SGF29: variants seen among roughly 807,000 people sequenced by gnomAD.
SGF29 encodes the protein SAGA complex associated factor 29.
A neutral mutation model predicts 38.1 loss-of-function variants in SGF29; 15 were observed. The ratio of observed to expected loss-of-function variants is 0.39; its 90% CI spans 0.26 to 0.61. The LOEUF (loss-of-function observed/expected upper bound fraction) is 0.61. SGF29 is among the 20% of genes least tolerant of loss of function. SGF29 has a pLI of 0.49. For missense variants in SGF29, 184 were observed against 394.6 expected (o/e 0.47, Z 4.52); for synonymous variants, 151 against 160.8 (o/e 0.94, Z 0.46).
At chr16:28,578,668 G>A (rs1437732852) in intron 1 of SGF29, among the ~76,000 whole-genome samples, 2 of 135,142 alleles carry the variant, frequency 1.5e-5, no homozygotes, top group African/African-American at 2.8e-5. Context: ...AGGAGGATGT[G>A]TTAGTTGAAC....
intron 1 of SGF29, among the ~76,000 whole-genome samples, chr16:28,573,784 C>A (rs1464513342): frequency 6.6e-6 from 1 of 152,014 alleles, no homozygotes; most frequent in Non-Finnish European, 1.5e-5. Flanking sequence ...GAAGTAGGAA[C>A]CTCAGATATC....
At chr16:28,559,596 G>A (rs775313708) in intron 1 of SGF29, among the ~76,000 whole-genome samples, 10 of 151,952 alleles carry the variant, frequency 6.6e-5, no homozygotes, top group African/African-American at 1.2e-4. Flanking sequence ...GGCTGGTCTC[G>A]AATTCCTGGC....
chr16:28,561,869 C>G (rs556868060), intron 1 of SGF29, among the ~76,000 whole-genome samples: 42 of 152,332 alleles, frequency 2.8e-4, no homozygotes, highest in African/African-American at 9.4e-4. Flanking sequence ...TTCCCACTTG[C>G]TTTGCACCAG....
At position 28,590,369 on chromosome 16, in the gene SGF29, C is replaced by T. The variant is rs1324158167; in HGVS notation, c.493C>T (p.Arg165Trp). The T allele has an allele frequency of 3.1e-6, 5 of 1,613,736 alleles. No homozygotes were observed. The highest frequency in any genetic ancestry group is 4.2e-6 in the Non-Finnish European group (5 of 1,179,772). The change falls in exon 7 of 10, where the codon CGG becomes TGG. Residue 165 changes from arginine (R) to tryptophan (W), a missense_variant. This residue lies in a region of SGF29 where 107 missense variants were observed against 276.9 expected (regional missense o/e 0.39). Coordinates refer to ENST00000317058, the MANE Select transcript of SGF29 (RefSeq NM_138414.3). The surrounding 1 kb of genome is among the most constrained non-coding windows in gnomAD (Gnocchi z 8.2). ...CAGACCTGGAGACAAGGTGGCTGCCCGGGTGAAGGCCGTGGATGGGGACGA... is the reference window on the plus strand; with the variant it reads ...CAGACCTGGAGACAAGGTGGCTGCCTGGGTGAAGGCCGTGGATGGGGACGA... The part of the protein sequence containing the change: ...VARPGDKVAA[R>W]VKAVDGDEQW...
chr16:28,558,813 C>G (rs1567283973), intron 1 of SGF29, among the ~76,000 whole-genome samples: 1 of 151,978 alleles, frequency 6.6e-6, no homozygotes, highest in African/African-American at 2.4e-5. Flanking sequence ...GGTCACAGTA[C>G]AATTCTATTT....
Position 28,590,952 on chromosome 16 carries a change from G to A in SGF29, c.765+17G>A. 2 of 1,596,308 alleles carry A rather than the reference G, an allele frequency of 1.3e-6. No homozygotes were observed. Among genetic ancestry groups the A allele is most frequent in the East Asian group, 2.3e-5 (1 of 44,270 alleles). ...CCACAGCGGGTAAAGCAGCCTCCAGGGGAGAGGCCATGGGTGATGTCAGGA... is the reference window on the plus strand; with the variant it reads ...CCACAGCGGGTAAAGCAGCCTCCAGAGGAGAGGCCATGGGTGATGTCAGGA... On this transcript the variant is annotated intron_variant, in intron 9 of 9. Transcript: ENST00000317058. This position sits in a 1 kb window ranked among gnomAD's most constrained non-coding sequence, Gnocchi z 8.2.
Position 28,576,070 on chromosome 16 carries a change from G to A in SGF29, c.-15-4985G>A, listed in dbSNP as rs552883666. On this transcript the variant is annotated intron_variant, in intron 1 of 9. Transcript: ENST00000317058. ...ACATTGCAGGTGGGAATGTAAAATG[G>A]TCACCCAGTTGGAAACAGCATGCAG... Among the ~76,000 whole-genome samples the A allele has an allele frequency of 1.1e-3, 167 of 152,264 alleles. 1 individual carries two copies. The highest frequency in any genetic ancestry group is 3.9e-3 in the African/African-American group (160 of 41,546).
At chr16:28,558,393 T>G (rs1328107416) in intron 1 of SGF29, among the ~76,000 whole-genome samples, 2 of 147,758 alleles carry the variant, frequency 1.4e-5, no homozygotes, top group Admixed American at 6.9e-5. Flanking sequence ...GGATTACAGG[T>G]GTGAGCCACC....
chr16:28,556,507 C>A (rs1246867466), intron 1 of SGF29, among the ~76,000 whole-genome samples: 2 of 152,180 alleles, frequency 1.3e-5, no homozygotes, highest in Non-Finnish European at 2.9e-5. Flanking sequence ...GCCACCACAC[C>A]CGATTAATTT....
intron 1 of SGF29, among the ~76,000 whole-genome samples, chr16:28,571,039 G>A (rs1180566994): frequency 6.6e-6 from 1 of 152,142 alleles, no homozygotes; most frequent in African/African-American, 2.4e-5. Flanking sequence ...TGTGGTCTGA[G>A]TGTTTGTGTT....
At chr16:28,563,635 AAAT>A (rs1432139399) in intron 1 of SGF29, among the ~76,000 whole-genome samples, 1 of 152,186 alleles carries the variant, frequency 6.6e-6, no homozygotes, top group Non-Finnish European at 1.5e-5. Context: ...TGTATTTCAA[AAAT>A]AATCTGAATT....
chr16:28,568,547 C>T (rs1028686715), intron 1 of SGF29, among the ~76,000 whole-genome samples: 3 of 151,124 alleles, frequency 2.0e-5, no homozygotes, highest in African/African-American at 7.3e-5. Flanking sequence ...TGAGACATGA[C>T]TGCTGTTGCA....
At chr16:28,583,232 C>T (rs1171492821) in intron 2 of SGF29, among the ~76,000 whole-genome samples, 1 of 152,242 alleles carries the variant, frequency 6.6e-6, no homozygotes, top group African/African-American at 2.4e-5. Context: ...TTGCATAACC[C>T]ATTTAATTTG....
At chr16:28,575,082 A>G (rs913786704) in intron 1 of SGF29, among the ~76,000 whole-genome samples, 3 of 152,114 alleles carry the variant, frequency 2.0e-5, no homozygotes, top group African/African-American at 2.4e-5. Flanking sequence ...ATCATACTTC[A>G]GTTGTCCAGT....
At chr16:28,560,196 C>T (rs1212161969) in intron 1 of SGF29, among the ~76,000 whole-genome samples, 1 of 151,876 alleles carries the variant, frequency 6.6e-6, no homozygotes, top group Non-Finnish European at 1.5e-5. Context: ...ACCACTCCAG[C>T]CTGGGCAACA....
At chr16:28,555,007 T>A (rs1334280569) in intron 1 of SGF29, among the ~76,000 whole-genome samples, 1 of 152,230 alleles carries the variant, frequency 6.6e-6, no homozygotes, top group Non-Finnish European at 1.5e-5. Context: ...CATTTTTGTT[T>A]TTATTAGAGA....
At chr16:28,564,555 A>ATATATATACGTATATATATACACG (rs1434601032) in intron 1 of SGF29, among the ~76,000 whole-genome samples, 1 of 132,252 alleles carries the variant, frequency 7.6e-6, no homozygotes, top group African/African-American at 2.9e-5. Context: ...ATATACGTAT[A>ATATATATACGTATATATATACACG]TATATATATA....
chr16:28,573,158 T>A (rs2046874435), intron 1 of SGF29, among the ~76,000 whole-genome samples: 1 of 152,106 alleles, frequency 6.6e-6, no homozygotes, highest in South Asian at 2.1e-4. Flanking sequence ...TCTGTGACTT[T>A]CTTTTGACGG....
chr16:28,583,913 G>A (rs1264102678), intron 2 of SGF29, among the ~76,000 whole-genome samples: 3 of 152,034 alleles, frequency 2.0e-5, no homozygotes, highest in Non-Finnish European at 4.4e-5. Context: ...GTCAATTTCT[G>A]CAAAGAAGTC....
Sources: allele counts gnomAD v4.1 joint callset (sites outside exome capture counted in the v4.1 genomes callset), GRCh38; gene constraint gnomAD v4.1.1; regional missense constraint gnomAD v4.1.1; non-coding constraint Gnocchi (gnomAD v3.1); transcripts MANE v1.5; gene names NCBI Gene and HGNC (gene_info 2026-07-23, HGNC 2026-07-21).